The following NT5M variants were observed in gnomAD, a reference collection of about 807,000 sequenced individuals.
The protein encoded by NT5M is 5'(3')-deoxyribonucleotidase, mitochondrial.
A neutral mutation model predicts 22.2 loss-of-function variants in NT5M; 22 were observed. The observed-to-expected ratio is 0.99, with a 90% CI of 0.71 to 1.41. The LOEUF is 1.41. Among genes scored for constraint, NT5M ranks in the 40% most tolerant of loss-of-function variants. The pLI is 0.00. For missense variants in NT5M, 322 were observed against 314.8 expected (o/e 1.02, Z -0.17); for synonymous variants, 167 against 133.0 (o/e 1.26, Z -1.76).
In NT5M at chr17:17,315,743, GGTTTTTTTGTT is replaced by G. The variant is rs1362941133; in HGVS notation, c.369-7441_369-7431del. ...GAGAGATTGATGTGATCTAACTTAG[GGTTTTTTTGTT>G]TTTTTTTTTTTTTTTTTTTTGAGAC... On this transcript the variant is annotated intron_variant, in intron 2 of 4. Coordinates refer to ENST00000389022, the MANE Select transcript of NT5M (RefSeq NM_020201.4). 9.4e-4 allele frequency among the ~76,000 whole-genome samples: 123 copies of G among 131,326 alleles called. 4 individuals carry two copies. Among genetic ancestry groups the G allele is most frequent in the Middle Eastern group, 4.2e-3 (1 of 240 alleles). The allele number at this position is 131,326 out of a possible 152,430, so 86.2% of individuals were successfully genotyped here.
At chr17:17,338,169 A>G (rs1213938909) in intron 3 of NT5M, among the ~76,000 whole-genome samples, 2 of 151,350 alleles carry the variant, frequency 1.3e-5, no homozygotes, top group African/African-American at 2.4e-5. Context: ...AGGTAGATAT[A>G]TGGATTTATC....
At position 17,345,551 on chromosome 17, in the gene NT5M, C is replaced by T. The variant is rs1218208931; in HGVS notation, c.544+643C>T. Among the ~76,000 whole-genome samples, 5 of 149,884 alleles carry T rather than the reference C, an allele frequency of 3.3e-5. No individual in the cohort carries two copies. The Admixed American group carries it at 3.4e-4, about 10-fold the overall frequency. On this transcript the variant is annotated intron_variant, in intron 4 of 4. Transcript: ENST00000389022. ...TGGTGCATGCCTGTAGTCCCAGCTA[C>T]TTCAGGGGCTGAAGTGGAAGGATTG...
At chr17:17,315,680 G>GT (rs1397498000) in intron 2 of NT5M, among the ~76,000 whole-genome samples, 2 of 144,354 alleles carry the variant, frequency 1.4e-5, no homozygotes, top group Non-Finnish European at 3.0e-5. Context: ...TAGGAAGCAT[G>GT]TTGGGGGTGG....
At chr17:17,303,938 A>T (rs1316683398) in intron 1 of NT5M, 121 bp downstream of exon 1, 1 of 1,314,256 alleles carries the variant, frequency 7.6e-7, no homozygotes, top group Non-Finnish European at 9.7e-7. Context: ...CTCTGATAGA[A>T]TAGGGTCTGG....
intron 3 of NT5M, among the ~76,000 whole-genome samples, chr17:17,329,813 T>TA (rs1012558804): frequency 2.0e-5 from 3 of 150,450 alleles, no homozygotes; most frequent in Non-Finnish European, 4.4e-5. Context: ...CCATCTGTAC[T>TA]AAAAAAAAAT....
chr17:17,304,621 C>T (rs1253609819), intron 1 of NT5M: 1 of 160,734 alleles, frequency 6.2e-6, no homozygotes, highest in Non-Finnish European at 1.3e-5. Context: ...AAGGAAGTTA[C>T]AAGAGCCCGT....
chr17:17,307,196 C>T (rs2048822363), intron 2 of NT5M, among the ~76,000 whole-genome samples: 1 of 152,176 alleles, frequency 6.6e-6, no homozygotes, highest in Admixed American at 6.5e-5. Flanking sequence ...GAAACTCCAT[C>T]TCAAAGCTCA....
Position 17,344,909 on chromosome 17 carries a change from G to T in NT5M, c.544+1G>T. 6.2e-7 allele frequency: 1 copy of T among 1,614,156 alleles called. No individual in the cohort carries two copies. Among genetic ancestry groups the T allele is most frequent in the Non-Finnish European group, 8.5e-7 (1 of 1,180,010 alleles). ...ATAGACGACCGGCCGGACATCACAG[G>T]CAAGTGGCCTGCGACAGGTGAGGAG... is the stretch of plus-strand genomic sequence containing the variant. On this transcript the variant is annotated splice_donor_variant, in intron 4 of 4. Coordinates refer to ENST00000389022, the MANE Select transcript of NT5M (RefSeq NM_020201.4). LOFTEE classifies it high-confidence loss of function.
rs771610280 is a variant in NT5M, at chr17:17,306,648, G to C, written c.368+5G>C. On this transcript the variant is annotated splice_donor_5th_base_variant and intron_variant, in intron 2 of 4. Transcript: ENST00000389022. Reference sequence around the variant, plus strand: ...GGAGATGGCCAGCCTACAAAAGTAAGTTTGTCCTCCCAGCCACTCAGTAAG... The same window carrying C: ...GGAGATGGCCAGCCTACAAAAGTAACTTTGTCCTCCCAGCCACTCAGTAAG... 3.1e-6 allele frequency: 5 copies of C among 1,601,188 alleles called. No homozygotes were observed. Among genetic ancestry groups the C allele is most frequent in the Non-Finnish European group, 4.3e-6 (5 of 1,168,310 alleles).
chr17:17,320,634 G>A (rs1479613844), intron 2 of NT5M, among the ~76,000 whole-genome samples: 1 of 152,168 alleles, frequency 6.6e-6, no homozygotes, highest in African/African-American at 2.4e-5. Flanking sequence ...GAGGCGTCCA[G>A]GTGGGTGGAA....
chr17:17,314,324 C>T (rs973073046), intron 2 of NT5M, among the ~76,000 whole-genome samples: 4 of 152,114 alleles, frequency 2.6e-5, no homozygotes, highest in Admixed American at 6.6e-5. Context: ...CGTGAGCCAT[C>T]GTGCCCGGCC....
intron 3 of NT5M, among the ~76,000 whole-genome samples, chr17:17,339,907 A>G (rs73284404): frequency 0.022 from 3,348 of 152,262 alleles, 128 homozygotes; most frequent in African/African-American, 0.077. Flanking sequence ...TTAGGAATCA[A>G]TATTTATCAA....
chr17:17,334,625 G>A (rs1369432178), intron 3 of NT5M, among the ~76,000 whole-genome samples: 7 of 151,568 alleles, frequency 4.6e-5, no homozygotes, highest in South Asian at 2.1e-4. Context: ...ACAGGCACGC[G>A]CCACCACACC....
chr17:17,323,103 G>C, intron 2 of NT5M, 82 bp from the exon 3 acceptor site: 2 of 1,099,972 alleles, frequency 1.8e-6, no homozygotes, highest in South Asian at 1.2e-5. Flanking sequence ...GTCCAGCCCT[G>C]TGAAGGCAGG....
intron 3 of NT5M, among the ~76,000 whole-genome samples, chr17:17,331,521 CCTT>C (rs1267208063): frequency 2.0e-5 from 3 of 151,616 alleles, no homozygotes; most frequent in Non-Finnish European, 2.9e-5. Flanking sequence ...CTAACTCACT[CCTT>C]CTAGTTAGAT....
At chr17:17,328,919 G>A (rs2049317171) in intron 3 of NT5M, among the ~76,000 whole-genome samples, 1 of 152,166 alleles carries the variant, frequency 6.6e-6, no homozygotes, top group Non-Finnish European at 1.5e-5. Flanking sequence ...GTCTCCAAGG[G>A]CTTTCCCTGT....
At chr17:17,338,902 A>G (rs924294615) in intron 3 of NT5M, among the ~76,000 whole-genome samples, 1 of 150,620 alleles carries the variant, frequency 6.6e-6, no homozygotes, top group Non-Finnish European at 1.5e-5. Context: ...AATTTTTTGT[A>G]TTTTTTAGTA....
At chr17:17,306,416 G>A in intron 1 of NT5M, 127 bp from the exon 2 acceptor site, 3 of 717,152 alleles carry the variant, frequency 4.2e-6, no homozygotes, top group Non-Finnish European at 7.5e-6. Flanking sequence ...GTACGTCCTT[G>A]GGTGTGTGTT....
At chr17:17,320,533 A>G (rs2049129360) in intron 2 of NT5M, among the ~76,000 whole-genome samples, 1 of 152,306 alleles carries the variant, frequency 6.6e-6, no homozygotes, top group South Asian at 2.1e-4. Context: ...TATCTAAAAT[A>G]GACTAGGAAC....
Sources: gnomAD v4.1 joint callset for allele counts (sites outside exome capture counted in the v4.1 genomes callset) on GRCh38, gnomAD v4.1.1 for gene constraint, MANE v1.5 for transcripts, NCBI Gene and HGNC (gene_info 2026-07-23, HGNC 2026-07-21) for gene names.